SZT2: variants seen among roughly 807,000 people sequenced by gnomAD.
The protein encoded by SZT2 is KICSTOR complex protein SZT2.
Under a neutral mutation model 404.2 loss-of-function variants are expected in SZT2, and 216 were observed. The ratio of observed to expected loss-of-function variants is 0.53; its 90% CI spans 0.48 to 0.60. SZT2 has a LOEUF of 0.60. SZT2 is among the 20% of genes least tolerant of loss of function. The probability of loss-of-function intolerance (pLI) is 0.00; values close to 1 mark genes in which losing one functional copy is unlikely to be tolerated. For missense variants in SZT2, 3,857 were observed against 4,459.2 expected (o/e 0.86, Z 3.85); for synonymous variants, 1,693 against 1,749.9 (o/e 0.97, Z 0.81).
At chr1:43,433,292 T>C in intron 40 of SZT2, 102 bp downstream of exon 40, 1 of 1,309,504 alleles carries the variant, frequency 7.6e-7, no homozygotes, top group Non-Finnish European at 1.1e-6. Context: ...GACTTGGGAC[T>C]GAGAGCTTGG....
chr1:43,438,061 TC>T, intron 46 of SZT2, 159 bp downstream of exon 46: 1 of 705,556 alleles, frequency 1.4e-6, no homozygotes, highest in Non-Finnish European at 2.4e-6. Context: ...AGCTGGAGGC[TC>T]CAGACCCTCT....
At chr1:43,415,824 A>G in intron 5 of SZT2, 136 bp from the exon 6 acceptor site, 1 of 1,000,668 alleles carries the variant, frequency 1.0e-6, no homozygotes, top group Non-Finnish European at 1.4e-6. Flanking sequence ...ACTCAGCCGC[A>G]TAGTAGGGGA....
chr1:43,420,181 C>T lies in SZT2; in HGVS notation c.1119C>T (p.His373=), dbSNP rs758185316. 1 of 1,598,474 alleles carries T rather than the reference C, an allele frequency of 6.3e-7. No homozygotes were observed. The highest frequency in any genetic ancestry group is 1.7e-4 in the Middle Eastern group (1 of 6,060). The part of the protein sequence containing the change: ...CGSQHRLFNE[H]LVSASSNPAL... ...CTCAGCACCGCCTATTTAATGAGCA[C>T]CTGGTCTCTGCAAGCAGCAACCCTG... is the stretch of plus-strand genomic sequence containing the variant. The change falls in exon 9 of 72, where the codon CAC becomes CAT. Residue 373 remains histidine, a synonymous_variant. Transcript: ENST00000634258. This position sits in a 1 kb window ranked among gnomAD's most constrained non-coding sequence, Gnocchi z 5.1.
rs770465127 is a variant in SZT2 at position 43,453,417 on chromosome 1, C to G, written c.*2937C>G. ...CAGCCCAGGGCTTTGGCATACCGCA[C>G]GGCCTGCTCCAGTCCCTCTCGGAAG... On this transcript the variant is annotated 3_prime_UTR_variant, in exon 72 of 72. Coordinates refer to ENST00000634258, the MANE Select transcript of SZT2 (RefSeq NM_001365999.1). 1.3e-6 allele frequency: 2 copies of G among 1,558,718 alleles called. No individual in the cohort carries two copies. Among genetic ancestry groups the G allele is most frequent in the Non-Finnish European group, 1.7e-6 (2 of 1,150,530 alleles).
rs769737704 is a variant in SZT2 at position 43,432,559 on chromosome 1, T to G, written c.5485T>G (p.Ser1829Ala). ...SPQAPGSPEDSEGVPLISLPR... is the reference protein window; with the variant it reads ...SPQAPGSPEDAEGVPLISLPR... ...CCAAGCACCTGGGTCCCCAGAGGAT[T>G]CTGAGGGTGTCCCCCTCATCAGCCT... The change falls in exon 38 of 72, where the codon TCT (serine) becomes GCT (alanine). Residue 1829 changes from serine to alanine, a missense_variant. Ser to Ala is a moderately conservative substitution (Grantham distance 99, BLOSUM62 1). Around this residue, in one of 7 missense-constraint regions of SZT2, gnomAD observed 1,725 missense variants for 1,881.0 expected, o/e 0.92. Transcript: ENST00000634258. The G allele has an allele frequency of 9.9e-6, 16 of 1,613,566 alleles. No homozygotes were observed.
Position 43,426,829 on chromosome 1 carries a change from C to T in SZT2, c.3309+20C>T, listed in dbSNP as rs1653207663. Reference sequence around the variant, plus strand: ...TCCCTGGTCAGCACCGATTCTTCTCCCTGAGCCCTTGTCACACTGACCTCC... The same window carrying T: ...TCCCTGGTCAGCACCGATTCTTCTCTCTGAGCCCTTGTCACACTGACCTCC... On this transcript the variant is annotated intron_variant, in intron 23 of 71. Transcript: ENST00000634258. The surrounding 1 kb of genome is among the most constrained non-coding windows in gnomAD (Gnocchi z 4.9). 3 of 1,610,556 alleles carry T rather than the reference C, an allele frequency of 1.9e-6. No individual in the cohort carries two copies. Among genetic ancestry groups the T allele is most frequent in the Admixed American group, 1.7e-5 (1 of 59,694 alleles).
Position 43,446,949 on chromosome 1 carries a change from C to T in SZT2, c.9073-6C>T. 1 of 1,606,134 alleles carries T rather than the reference C, an allele frequency of 6.2e-7. No homozygotes were observed. Among genetic ancestry groups the T allele is most frequent in the Non-Finnish European group, 8.5e-7 (1 of 1,175,192 alleles). ...TTAACCCTGTCTCCTGCTGCTGCCT[C>T]CCCAGCTGTCCATGCTGTTCACAGA... is the stretch of plus-strand genomic sequence containing the variant. On this transcript the variant is annotated splice_polypyrimidine_tract_variant and splice_region_variant and intron_variant, in intron 65 of 71. Coordinates refer to ENST00000634258, the MANE Select transcript of SZT2 (RefSeq NM_001365999.1).
Position 43,443,075 on chromosome 1 carries a change from C to T in SZT2, c.8408C>T (p.Ala2803Val), listed in dbSNP as rs1655250334. The T allele has an allele frequency of 6.2e-7, 1 of 1,611,088 alleles. No homozygotes were observed. Among genetic ancestry groups the T allele is most frequent in the South Asian group, 1.1e-5 (1 of 90,746 alleles). ...CAACAGTTCCTAGAGATCAAGATGG[C>T]AGAGCGCAGAGGTGAGGGTACTGGG... is the stretch of plus-strand genomic sequence containing the variant. ...HGQQFLEIKM[A>V]ERRELERQMK... The change falls in exon 59 of 72, where the codon GCA becomes GTA. Residue 2803 changes from alanine (A) to valine (V), a missense_variant. Transcript: ENST00000634258.
intron 1 of SZT2, among the ~76,000 whole-genome samples, chr1:43,392,152 T>G (rs957748353): frequency 6.8e-6 from 1 of 147,210 alleles, no homozygotes; most frequent in African/African-American, 2.5e-5. Flanking sequence ...TAAAATGTAA[T>G]TATATATTTA....
rs771704775 is a variant in SZT2 at position 43,442,886 on chromosome 1, T to C, written c.8219T>C (p.Leu2740Pro). 6.8e-6 allele frequency: 11 copies of C among 1,613,978 alleles called. No individual in the cohort carries two copies. The highest frequency in any genetic ancestry group is 8.5e-6 in the Non-Finnish European group (10 of 1,179,932). ...CTCATCCGGAGTGCAAGTCCCCCGC[T>C]GAGCCGTGAGCAGGGCCGACTGAGT... ...ETLIRSASPPLSREQGRLSGS... is the reference protein window; with the variant it reads ...ETLIRSASPPPSREQGRLSGS... Residue 2740 changes from leucine (L) to proline (P), a missense_variant, in exon 59 of 72, where the codon CTG (leucine) becomes CCG (proline). Coordinates refer to ENST00000634258, the MANE Select transcript of SZT2 (RefSeq NM_001365999.1). This position sits in a 1 kb window ranked among gnomAD's most constrained non-coding sequence, Gnocchi z 4.5.
At chr1:43,409,013 A>G (rs889257565) in intron 4 of SZT2, among the ~76,000 whole-genome samples, 1 of 152,194 alleles carries the variant, frequency 6.6e-6, no homozygotes, top group Admixed American at 6.5e-5. Flanking sequence ...CTGGGTCTAT[A>G]TACAATTTTA....
Position 43,453,808 on chromosome 1 carries a change from G to C in SZT2, c.*3328G>C. 2.4e-6 allele frequency: 3 copies of C among 1,253,014 alleles called. No homozygotes were observed. Among genetic ancestry groups the C allele is most frequent in the Non-Finnish European group, 3.0e-6 (3 of 1,001,664 alleles). 77.6% of individuals were successfully genotyped at this position (1,253,014 alleles called of 1,614,324 possible). On this transcript the variant is annotated 3_prime_UTR_variant, in exon 72 of 72. Coordinates refer to ENST00000634258, the MANE Select transcript of SZT2 (RefSeq NM_001365999.1). ...AGCGGCGCCATGCCTGGGGAGGCCG[G>C]GCCGGGCGGAGTCCGCGGGATCCAA...
chr1:43,394,183 G>A (rs1648721779), intron 1 of SZT2: 1 of 362,900 alleles, frequency 2.8e-6, no homozygotes, highest in African/African-American at 2.2e-5. Context: ...TTGTTAGAAT[G>A]TAGATTCTGG....
At position 43,426,254 on chromosome 1, in the gene SZT2, G is replaced by A; in HGVS notation, c.3043+103G>A. 1 of 1,495,054 alleles carries A rather than the reference G, an allele frequency of 6.7e-7. No individual in the cohort carries two copies. Among genetic ancestry groups the A allele is most frequent in the Non-Finnish European group, 9.0e-7 (1 of 1,108,930 alleles). 92.6% of individuals were successfully genotyped at this position (1,495,054 alleles called of 1,614,324 possible). A position where few individuals can be genotyped will look rare whatever the true frequency, so the allele number is the denominator to read the frequency against. ...TGGGTCAGCAAGTGAGCAGATGAGT[G>A]GTGGGGGCAGGAGGAGCCCATGAGG... On this transcript the variant is annotated intron_variant, in intron 21 of 71. Transcript: ENST00000634258. This position sits in a 1 kb window ranked among gnomAD's most constrained non-coding sequence, Gnocchi z 4.9.
At chr1:43,416,449 C>A in intron 6 of SZT2, 86 bp from the exon 7 acceptor site, 2 of 1,068,814 alleles carry the variant, frequency 1.9e-6, no homozygotes, top group Non-Finnish European at 2.7e-6. Flanking sequence ...GACACTGAGC[C>A]GTTCAGGACC....
In SZT2 at chr1:43,453,585, C is replaced by T. The variant is rs973352180; in HGVS notation, c.*3105C>T. ...CCCAGCCCTCCCAGCCCTCCCGGCC[C>T]GCGACGCACCCGGGGGCGTGTTGAT... is the stretch of plus-strand genomic sequence containing the variant. On this transcript the variant is annotated 3_prime_UTR_variant, in exon 72 of 72. Coordinates refer to ENST00000634258, the MANE Select transcript of SZT2 (RefSeq NM_001365999.1). 218 of 1,520,624 alleles carry T rather than the reference C, an allele frequency of 1.4e-4. No individual in the cohort carries two copies. Among genetic ancestry groups the T allele is most frequent in the Non-Finnish European group, 1.8e-4 (207 of 1,133,500 alleles). 94.2% of individuals were successfully genotyped at this position (1,520,624 alleles called of 1,614,324 possible). A position where few individuals can be genotyped will look rare whatever the true frequency, so the allele number is the denominator to read the frequency against.
At position 43,429,779 on chromosome 1, in the gene SZT2, A is replaced by T. The variant is rs1381309400; in HGVS notation, c.4243A>T (p.Ile1415Phe). ...TGGCATTCCAGACCCTGGGCCAGAG[A>T]TCTCTCTGACAGATGTCTGCCAGCT... ...VPGIPDPGPE[I>F]SLTDVCQLRG... The change falls in exon 29 of 72, where the codon ATC (isoleucine) becomes TTC (phenylalanine). Residue 1415 changes from isoleucine (I) to phenylalanine (F), a missense_variant. Ile to Phe is a conservative substitution (Grantham distance 21). Around this residue, in one of 7 missense-constraint regions of SZT2, gnomAD observed 1,725 missense variants for 1,881.0 expected, o/e 0.92. Transcript: ENST00000634258. The T allele has an allele frequency of 6.2e-7, 1 of 1,614,048 alleles. No individual in the cohort carries two copies. Among genetic ancestry groups the T allele is most frequent in the Non-Finnish European group, 8.5e-7 (1 of 1,180,032 alleles).
Position 43,437,653 on chromosome 1 carries a change from C to T in SZT2, c.6349C>T (p.Leu2117Phe). Residue 2117 changes from leucine (L) to phenylalanine (F), a missense_variant, in exon 45 of 72, where the codon CTC (leucine) becomes TTC (phenylalanine). Physicochemically the swap from Leu to Phe is conservative, Grantham distance 22 (BLOSUM62 0). Transcript: ENST00000634258. The surrounding 1 kb of genome is among the most constrained non-coding windows in gnomAD (Gnocchi z 5.3). ...GAAAGGGGATGCGCTGCCCCCTTCC[C>T]TCGCTCTGTCCCGAAGCCAAGAGCC... ...PWKGDALPPSLALSRSQEPIY... is the reference protein window; with the variant it reads ...PWKGDALPPSFALSRSQEPIY... The T allele has an allele frequency of 5.6e-6, 9 of 1,614,104 alleles. No individual in the cohort carries two copies. The highest frequency in any genetic ancestry group is 7.6e-6 in the Non-Finnish European group (9 of 1,180,004).
rs1237145648 is a variant in SZT2 at position 43,420,341 on chromosome 1, C to T, written c.1261+18C>T. 2 of 1,556,802 alleles carry T rather than the reference C, an allele frequency of 1.3e-6. No individual in the cohort carries two copies. Among genetic ancestry groups the T allele is most frequent in the Non-Finnish European group, 1.7e-6 (2 of 1,157,018 alleles). On this transcript the variant is annotated intron_variant, in intron 9 of 71. Transcript: ENST00000634258. This position sits in a 1 kb window ranked among gnomAD's most constrained non-coding sequence, Gnocchi z 5.1. ...GGCCAAAGGTAAGGGTCATTAGGCC[C>T]TGCTGTAATCCCATAGATCTCTCAA...
Sources: allele counts gnomAD v4.1 joint callset (sites outside exome capture counted in the v4.1 genomes callset), GRCh38; gene constraint gnomAD v4.1.1; regional missense constraint gnomAD v4.1.1; non-coding constraint Gnocchi (gnomAD v3.1); transcripts MANE v1.5; gene names NCBI Gene and HGNC (gene_info 2026-07-23, HGNC 2026-07-21).